The following SORCS2 variants were observed in gnomAD, a reference collection of about 807,000 sequenced individuals.
SORCS2 encodes the protein VPS10 domain-containing receptor SorCS2.
A neutral mutation model predicts 141.6 loss-of-function variants in SORCS2; 100 were observed. That is an observed-to-expected ratio of 0.71 (90% CI 0.60 to 0.83). The LOEUF (loss-of-function observed/expected upper bound fraction) is 0.83. SORCS2 is among the 40% of genes least tolerant of loss of function. The pLI is 0.00. For synonymous variants in SORCS2, 789 were observed against 676.9 expected, an observed-to-expected ratio of 1.17 and a Z score of -2.57; for missense variants, 1,646 against 1,560.2, an observed-to-expected ratio of 1.05 and a Z score of -0.93.
intron 3 of SORCS2, among the ~76,000 whole-genome samples, chr4:7,547,664 C>T (rs992405756): frequency 6.6e-6 from 1 of 152,200 alleles, no homozygotes; most frequent in Non-Finnish European, 1.5e-5. Flanking sequence ...ACCTCCCTCC[C>T]AACCCCAGAT....
chr4:7,643,056 C>T (rs542934149), intron 4 of SORCS2, among the ~76,000 whole-genome samples: 5 of 152,340 alleles, frequency 3.3e-5, no homozygotes, highest in East Asian at 1.9e-4. Context: ...TTCCCTACCT[C>T]TTCCTTCCCA....
chr4:7,531,727 C>A, intron 3 of SORCS2, 98 bp downstream of exon 3: 1 of 1,256,750 alleles, frequency 8.0e-7, no homozygotes, highest in Non-Finnish European at 1.1e-6. Flanking sequence ...CTGTCTCCTA[C>A]TTTGGCCCAG....
At chr4:7,492,361 A>T (rs1004316888) in intron 2 of SORCS2, among the ~76,000 whole-genome samples, 4 of 152,214 alleles carry the variant, frequency 2.6e-5, no homozygotes, top group Non-Finnish European at 4.4e-5. Flanking sequence ...TTCACTTAGC[A>T]CCATGTCCAC....
At chr4:7,299,329 C>G (rs11721444) in intron 1 of SORCS2, among the ~76,000 whole-genome samples, 117,487 of 151,978 alleles carry the variant, frequency 0.77, 47,462 homozygotes, top group Non-Finnish European at 0.89. Context: ...CACTGAGCAG[C>G]AGTCCAGGGC....
chr4:7,235,819 T>C (rs1005280799), intron 1 of SORCS2, among the ~76,000 whole-genome samples: 2 of 152,174 alleles, frequency 1.3e-5, no homozygotes, highest in East Asian at 1.9e-4. Context: ...AAAGGTGAGA[T>C]GCCTCCCTTC....
intron 3 of SORCS2, among the ~76,000 whole-genome samples, chr4:7,606,746 T>C (rs757261526): frequency 6.6e-6 from 1 of 152,022 alleles, no homozygotes; most frequent in Non-Finnish European, 1.5e-5. Flanking sequence ...TTGGGAGTTA[T>C]ATTCTTCAAG....
At chr4:7,473,474 G>A (rs28630370) in intron 2 of SORCS2, among the ~76,000 whole-genome samples, 21,174 of 151,880 alleles carry the variant, frequency 0.14, 2,039 homozygotes, top group African/African-American at 0.25. Flanking sequence ...GCTGAGGGGC[G>A]TGCACTCCAG....
At chr4:7,660,523 T>A (rs2108913691) in intron 5 of SORCS2, among the ~76,000 whole-genome samples, 1 of 152,296 alleles carries the variant, frequency 6.6e-6, no homozygotes, top group Middle Eastern at 3.4e-3. Context: ...CAGAGTCCCA[T>A]AACAGATGGG....
intron 2 of SORCS2, among the ~76,000 whole-genome samples, chr4:7,474,567 T>G (rs1474776814): frequency 6.6e-6 from 1 of 152,170 alleles, no homozygotes; most frequent in Non-Finnish European, 1.5e-5. Flanking sequence ...TCCCCAGCTC[T>G]GTGAATTCTG....
chr4:7,735,176 C>A (rs1488559583), intron 25 of SORCS2, among the ~76,000 whole-genome samples: 2 of 152,242 alleles, frequency 1.3e-5, no homozygotes, highest in Non-Finnish European at 2.9e-5. Context: ...CCTATTGTTT[C>A]TCCCCTGCCT....
intron 9 of SORCS2, among the ~76,000 whole-genome samples, chr4:7,676,801 CTG>C (rs60830443): frequency 0.06 from 1,530 of 25,580 alleles, 370 homozygotes; most frequent in East Asian, 0.077. Flanking sequence ...GTCTGCCTTT[CTG>C]TCTCTCTCTC....
intron 11 of SORCS2, among the ~76,000 whole-genome samples, chr4:7,695,310 G>GGGTGGGTT (rs1560489464): frequency 2.1e-5 from 1 of 46,578 alleles, no homozygotes; most frequent in Non-Finnish European, 4.3e-5. Flanking sequence ...GTGAGTGAAT[G>GGGTGGGTT]GGTGGGTGGG....
At chr4:7,338,421 AGGAT>A (rs71173495) in intron 1 of SORCS2, among the ~76,000 whole-genome samples, 4 of 148,564 alleles carry the variant, frequency 2.7e-5, no homozygotes, top group African/African-American at 2.5e-5. Flanking sequence ...GTTGGATGGA[AGGAT>A]GGATGGATGG....
chr4:7,577,917 C>G (rs893703989), intron 3 of SORCS2, among the ~76,000 whole-genome samples: 1 of 150,920 alleles, frequency 6.6e-6, no homozygotes, highest in African/African-American at 2.4e-5. Flanking sequence ...CAGGCGAAGT[C>G]AGCTAGTGCC....
At chr4:7,628,519 G>GGA (rs1553895355) in intron 3 of SORCS2, among the ~76,000 whole-genome samples, 18 of 135,438 alleles carry the variant, frequency 1.3e-4, no homozygotes, top group South Asian at 7.3e-4. Flanking sequence ...ACTCCGTCTC[G>GGA]AAAAAAAAAA....
chr4:7,494,865 C>T (rs1395253617), intron 2 of SORCS2, among the ~76,000 whole-genome samples: 2 of 152,214 alleles, frequency 1.3e-5, no homozygotes, highest in Non-Finnish European at 2.9e-5. Flanking sequence ...TGGGCTCCGG[C>T]TCGTCTCTGC....
At chr4:7,487,586 C>G (rs1051779080) in intron 2 of SORCS2, among the ~76,000 whole-genome samples, 3 of 152,238 alleles carry the variant, frequency 2.0e-5, no homozygotes, top group African/African-American at 7.2e-5. Context: ...CACCTGGCCT[C>G]TGCACTTCTA....
chr4:7,649,590 T>C (rs796581366), intron 4 of SORCS2, among the ~76,000 whole-genome samples: 1 of 152,028 alleles, frequency 6.6e-6, no homozygotes, highest in African/African-American at 2.4e-5. Flanking sequence ...TGGTGACTTA[T>C]TAGACATGGC....
intron 3 of SORCS2, among the ~76,000 whole-genome samples, chr4:7,591,062 A>G (rs111781572): frequency 0.013 from 2,033 of 152,292 alleles, 45 homozygotes; most frequent in African/African-American, 0.046. Context: ...GCGGGTCTCA[A>G]TGGAGGAAAC....
Sources: allele counts gnomAD v4.1 joint callset (sites outside exome capture counted in the v4.1 genomes callset), GRCh38; gene constraint gnomAD v4.1.1; transcripts MANE v1.5; gene names NCBI Gene and HGNC (gene_info 2026-07-23, HGNC 2026-07-21).